ARK2C: variants seen among roughly 807,000 people sequenced by gnomAD.
The protein encoded by ARK2C is E3 ubiquitin-protein ligase ARK2C.
At chr18:46,382,469 C>T in the ARK2C span, among the ~76,000 whole-genome samples, 1 of 152,116 alleles carries the variant, frequency 6.6e-6, no homozygotes, top group Admixed American at 6.6e-5. Context: ...GGAATCCCTC[C>T]CCTTATATGC....
At chr18:46,456,812 A>T in the ARK2C span, 3 of 594,758 alleles carry the variant, frequency 5.0e-6, no homozygotes, top group African/African-American at 3.7e-5. Flanking sequence ...GGGGTTGGGG[A>T]GGACCCACCT....
chr18:46,338,625 T>C, the ARK2C span, among the ~76,000 whole-genome samples: 2,367 of 152,110 alleles, frequency 0.016, 78 homozygotes, highest in African/African-American at 0.054. Flanking sequence ...CTTTTTTTTT[T>C]CCATAATTAC....
chr18:46,418,569 A>G, the ARK2C span, among the ~76,000 whole-genome samples: 656 of 152,360 alleles, frequency 4.3e-3, 1 homozygote, highest in Admixed American at 7.7e-3. Context: ...GTAACCATAC[A>G]GGACAGGACA....
At chr18:46,391,934 C>A in the ARK2C span, among the ~76,000 whole-genome samples, 4 of 151,616 alleles carry the variant, frequency 2.6e-5, no homozygotes, top group African/African-American at 9.7e-5. Context: ...GTACACCATG[C>A]ACACAACACA....
the ARK2C span, chr18:46,456,761 T>C: frequency 6.8e-5 from 50 of 737,580 alleles, no homozygotes; most frequent in African/African-American, 8.0e-4. Context: ...GCACATTTTG[T>C]GGAAAGAGGA....
chr18:46,336,953 C>T, the ARK2C span: 1 of 985,282 alleles, frequency 1.0e-6, no homozygotes, highest in African/African-American at 1.7e-5. Flanking sequence ...GCACCAAGGT[C>T]CCTGGCTTAA....
chr18:46,412,362 AC>A, the ARK2C span, among the ~76,000 whole-genome samples: 1 of 152,216 alleles, frequency 6.6e-6, no homozygotes, highest in Non-Finnish European at 1.5e-5. Context: ...CCAGAGGGTT[AC>A]CACTAAGCCT....
chr18:46,452,588 C>T, the ARK2C span, among the ~76,000 whole-genome samples: 1 of 151,992 alleles, frequency 6.6e-6, no homozygotes, highest in Admixed American at 6.5e-5. Context: ...CCTGTTTTTG[C>T]TTAATTTTAT....
the ARK2C span, among the ~76,000 whole-genome samples, chr18:46,417,649 A>C: frequency 6.6e-6 from 1 of 152,226 alleles, no homozygotes; most frequent in African/African-American, 2.4e-5. Context: ...TGTCATCATC[A>C]ATACATGACA....
At chr18:46,456,823 C>G in the ARK2C span, 3 of 576,710 alleles carry the variant, frequency 5.2e-6, no homozygotes, top group Non-Finnish European at 9.4e-6. Context: ...GGACCCACCT[C>G]TCCAGAATGG....
the ARK2C span, chr18:46,450,680 A>C: frequency 6.3e-7 from 1 of 1,576,334 alleles, no homozygotes; most frequent in Non-Finnish European, 8.7e-7. Context: ...CTGAGCACAC[A>C]TGTGCACATT....
the ARK2C span, among the ~76,000 whole-genome samples, chr18:46,366,149 G>A: frequency 2.6e-5 from 4 of 151,950 alleles, no homozygotes; most frequent in Admixed American, 2.0e-4. Context: ...AAAATTAGCC[G>A]GGCGTGGTGG....
At chr18:46,372,972 G>T in the ARK2C span, among the ~76,000 whole-genome samples, 1 of 152,224 alleles carries the variant, frequency 6.6e-6, no homozygotes, top group Non-Finnish European at 1.5e-5. Context: ...ACTCAGGGAG[G>T]GGGACCCTCC....
At chr18:46,430,985 C>T in the ARK2C span, among the ~76,000 whole-genome samples, 1 of 152,122 alleles carries the variant, frequency 6.6e-6, no homozygotes, top group Non-Finnish European at 1.5e-5. Flanking sequence ...TGGTGGTTTG[C>T]TGCACCCATC....
chr18:46,443,785 C>T, the ARK2C span, among the ~76,000 whole-genome samples: 1 of 152,174 alleles, frequency 6.6e-6, no homozygotes, highest in South Asian at 2.1e-4. Context: ...CCTTTAAAGA[C>T]AATTTTTCAT....
the ARK2C span, among the ~76,000 whole-genome samples, chr18:46,369,949 G>A: frequency 1.1e-3 from 167 of 150,866 alleles, no homozygotes; most frequent in African/African-American, 4.0e-3. Flanking sequence ...ACACACACAC[G>A]CACACACGCA....
At chr18:46,340,147 A>G in the ARK2C span, among the ~76,000 whole-genome samples, 1 of 152,234 alleles carries the variant, frequency 6.6e-6, no homozygotes, top group Non-Finnish European at 1.5e-5. Flanking sequence ...CAGCTTTGTA[A>G]AAATTCCCGG....
the ARK2C span, among the ~76,000 whole-genome samples, chr18:46,377,333 C>T: frequency 6.6e-6 from 1 of 152,130 alleles, no homozygotes; most frequent in Non-Finnish European, 1.5e-5. Context: ...TTTATGGGAA[C>T]TCGCTATATG....
chr18:46,353,400 G>A, the ARK2C span, among the ~76,000 whole-genome samples: 1 of 152,214 alleles, frequency 6.6e-6, no homozygotes, highest in African/African-American at 2.4e-5. Context: ...TGGGCCGTGA[G>A]TCAGGCTGCT....
Sources: allele counts gnomAD v4.1 joint callset (sites outside exome capture counted in the v4.1 genomes callset), GRCh38; gene constraint gnomAD v4.1.1; transcripts MANE v1.5; gene names NCBI Gene and HGNC (gene_info 2026-07-23, HGNC 2026-07-21).